RABEP1: variants seen among roughly 807,000 people sequenced by gnomAD.
RABEP1 encodes the protein rab GTPase-binding effector protein 1.
Under a neutral mutation model 123.4 loss-of-function variants are expected in RABEP1, and 51 were observed. The observed-to-expected ratio is 0.41, with a 90% confidence interval of 0.33 to 0.52. The LOEUF (loss-of-function observed/expected upper bound fraction) is 0.52. Ranked by LOEUF, RABEP1 falls within the 20% of genes least tolerant of loss-of-function variation. The probability of loss-of-function intolerance (pLI) is 0.16; values close to 1 mark genes in which losing one functional copy is unlikely to be tolerated. For synonymous variants in RABEP1, 347 were observed against 355.2 expected (o/e 0.98, Z 0.26); for missense variants, 888 against 996.3 (o/e 0.89, Z 1.46).
intron 5 of RABEP1, among the ~76,000 whole-genome samples, chr17:5,340,107 G>T (rs1567532568): frequency 6.6e-6 from 1 of 152,130 alleles, no homozygotes; most frequent in African/African-American, 2.4e-5. Flanking sequence ...AATACAATCA[G>T]AAAAAATTAT....
intron 1 of RABEP1, among the ~76,000 whole-genome samples, chr17:5,283,381 T>A (rs1389707140): frequency 6.6e-6 from 1 of 152,088 alleles, no homozygotes; most frequent in African/African-American, 2.4e-5. Context: ...TCCTAAATAA[T>A]CAAAGTTGGT....
At chr17:5,333,560 C>T (rs1197988640) in intron 3 of RABEP1, among the ~76,000 whole-genome samples, 2 of 152,106 alleles carry the variant, frequency 1.3e-5, no homozygotes, top group Non-Finnish European at 2.9e-5. Context: ...TATAAAAAGG[C>T]AGGTGAGGCT....
chr17:5,378,384 T>C (rs1039923026), intron 15 of RABEP1, 152 bp downstream of exon 15: 7 of 734,614 alleles, frequency 9.5e-6, no homozygotes, highest in Non-Finnish European at 1.7e-5. Context: ...GGGGTAAGGG[T>C]GTGCTGGTGA....
At chr17:5,314,234 CTTT>C (rs71151864) in intron 2 of RABEP1, among the ~76,000 whole-genome samples, 12 of 55,558 alleles carry the variant, frequency 2.2e-4, no homozygotes, top group South Asian at 1.8e-3. Flanking sequence ...AGTACCTATT[CTTT>C]TTTTTTTTTT....
At chr17:5,311,190 A>G (rs912736373) in intron 2 of RABEP1, among the ~76,000 whole-genome samples, 1 of 152,158 alleles carries the variant, frequency 6.6e-6, no homozygotes, top group African/African-American at 2.4e-5. Flanking sequence ...CTGACTCACT[A>G]GGGCACTGGG....
intron 7 of RABEP1, among the ~76,000 whole-genome samples, 199 bp downstream of exon 7, chr17:5,350,828 TG>T (rs1440906754): frequency 6.6e-6 from 1 of 151,980 alleles, no homozygotes; most frequent in African/African-American, 2.4e-5. Flanking sequence ...CTCTCGGGGG[TG>T]GGGAAACTGA....
At chr17:5,291,816 A>G (rs1025822486) in intron 1 of RABEP1, among the ~76,000 whole-genome samples, 2 of 152,070 alleles carry the variant, frequency 1.3e-5, no homozygotes, top group African/African-American at 4.8e-5. Context: ...GACAGGAGAG[A>G]GTCATCTGAA....
intron 1 of RABEP1, among the ~76,000 whole-genome samples, chr17:5,298,119 A>G (rs2075100149): frequency 6.6e-6 from 1 of 152,206 alleles, no homozygotes; most frequent in Non-Finnish European, 1.5e-5. Flanking sequence ...CCCATAAATA[A>G]TGCAGCCAAC....
intron 2 of RABEP1, among the ~76,000 whole-genome samples, chr17:5,309,411 A>C (rs533836658): frequency 6.6e-6 from 1 of 152,250 alleles, no homozygotes; most frequent in Admixed American, 6.5e-5. Context: ...GCACTTTGGG[A>C]GGCCAACGGG....
intron 9 of RABEP1, among the ~76,000 whole-genome samples, chr17:5,362,241 A>G (rs1909614535): frequency 6.6e-6 from 1 of 152,254 alleles, no homozygotes; most frequent in African/African-American, 2.4e-5. Flanking sequence ...TAGATTACAA[A>G]GGCCTTTCAC....
intron 4 of RABEP1, among the ~76,000 whole-genome samples, chr17:5,337,204 A>C (rs60963557): frequency 0.095 from 14,423 of 152,212 alleles, 1,604 homozygotes; most frequent in East Asian, 0.48. Context: ...TTTCATTTAG[A>C]TGGTAAAAGT....
rs1567522038 is a variant in RABEP1 at position 5,323,741 on chromosome 17, AATATATATATATCTAGGAATATAT to A, written c.164-8199_164-8176del. On this transcript the variant is annotated intron_variant, in intron 2 of 17. Coordinates refer to ENST00000537505, the MANE Select transcript of RABEP1 (RefSeq NM_004703.6). ...ATCTAGGAATATATATATATCTAGG[AATATATATATATCTAGGAATATAT>A]ATATATATCTAGGAATATATATATA... Among the ~76,000 whole-genome samples, 48 of 60,982 alleles carry A rather than the reference AATATATATATATCTAGGAATATAT, an allele frequency of 7.9e-4. 2 individuals are homozygous for A. The highest frequency in any genetic ancestry group is 1.3e-3 in the Non-Finnish European group (43 of 34,036). 40.0% of individuals were successfully genotyped at this position (60,982 alleles called of 152,430 possible). A position where few individuals can be genotyped will look rare whatever the true frequency, so the allele number is the denominator to read the frequency against.
Position 5,353,734 on chromosome 17 carries a change from G to A in RABEP1, c.964-625G>A, listed in dbSNP as rs956432012. On this transcript the variant is annotated intron_variant, in intron 7 of 17. Transcript: ENST00000537505. ...CATGGTGGTGCATGCCTGTGATCCC[G>A]GCTACACGAGAGGATGAGGCAGGAG... is the stretch of plus-strand genomic sequence containing the variant. 5.6e-4 allele frequency among the ~76,000 whole-genome samples: 85 copies of A among 152,104 alleles called. 2 individuals carry two copies. Among genetic ancestry groups the A allele is most frequent in the Middle Eastern group, 3.4e-3 (1 of 294 alleles).
intron 7 of RABEP1, among the ~76,000 whole-genome samples, 170 bp downstream of exon 7, chr17:5,350,799 C>T (rs1300436458): frequency 6.6e-6 from 1 of 152,054 alleles, no homozygotes; most frequent in African/African-American, 2.4e-5. Context: ...TTTTGTTTTT[C>T]ATCTTTAGAA....
At chr17:5,311,719 A>AC (rs2075244195) in intron 2 of RABEP1, among the ~76,000 whole-genome samples, 1 of 145,714 alleles carries the variant, frequency 6.9e-6, no homozygotes, top group Non-Finnish European at 1.5e-5. Context: ...AAAAAAAAAA[A>AC]ACAGACTAAA....
At chr17:5,325,390 A>G (rs1166323774) in intron 2 of RABEP1, among the ~76,000 whole-genome samples, 1 of 152,130 alleles carries the variant, frequency 6.6e-6, no homozygotes, top group Non-Finnish European at 1.5e-5. Context: ...ACATGGATGG[A>G]ACTGGAAGTC....
chr17:5,385,110 T>C lies in RABEP1; in HGVS notation c.*1887T>C, dbSNP rs978517332. The C allele has an allele frequency of 8.7e-6, 2 of 229,414 alleles. No individual in the cohort carries two copies. The highest frequency in any genetic ancestry group is 1.8e-4 in the South Asian group (1 of 5,498). 14.2% of individuals were successfully genotyped at this position (229,414 alleles called of 1,614,324 possible). On this transcript the variant is annotated 3_prime_UTR_variant, in exon 18 of 18. Coordinates refer to ENST00000537505, the MANE Select transcript of RABEP1 (RefSeq NM_004703.6). ...CAATTAGGGAATGGTTAGTGGTCTC[T>C]ACTGTGGCAAATGCCAACTGTTGGA...
At chr17:5,307,525 AGGAAACTT>A (rs2075190823) in intron 1 of RABEP1, among the ~76,000 whole-genome samples, 1 of 152,232 alleles carries the variant, frequency 6.6e-6, no homozygotes, top group African/African-American at 2.4e-5. Flanking sequence ...GACTTGCAGT[AGGAAACTT>A]GGCCCTCTGC....
intron 15 of RABEP1, among the ~76,000 whole-genome samples, chr17:5,380,096 A>C (rs1419657554): frequency 6.6e-6 from 1 of 152,180 alleles, no homozygotes; most frequent in Non-Finnish European, 1.5e-5. Flanking sequence ...GGCAGAATTA[A>C]ATGCTTCTTT....
Sources: allele counts gnomAD v4.1 joint callset (sites outside exome capture counted in the v4.1 genomes callset), GRCh38; gene constraint gnomAD v4.1.1; transcripts MANE v1.5; gene names NCBI Gene and HGNC (gene_info 2026-07-23, HGNC 2026-07-21).